Variants in DENND5B observed in about 807,000 individuals in gnomAD.
The protein encoded by DENND5B is DENN domain containing 5B, also known as DENN domain-containing protein 5B.
In DENND5B, 34 loss-of-function variants were observed where a neutral mutation model predicts 140.6. That is an observed-to-expected ratio of 0.24 (90% confidence interval 0.18 to 0.32). The LOEUF (loss-of-function observed/expected upper bound fraction) is 0.32. Ranked by LOEUF, DENND5B falls within the 10% of genes least tolerant of loss-of-function variation. The pLI, the probability that DENND5B is intolerant of heterozygous loss-of-function variation, is 1.00. For missense variants in DENND5B, 1,142 were observed against 1,560.2 expected (o/e 0.73, Z 4.52); for synonymous variants, 551 against 562.1 (o/e 0.98, Z 0.28).
intron 14 of DENND5B, among the ~76,000 whole-genome samples, chr12:31,406,668 T>C (rs1942139086): frequency 6.6e-6 from 1 of 152,188 alleles, no homozygotes; most frequent in South Asian, 2.1e-4. Context: ...AGTGATTTCA[T>C]AGTTTAAGTA....
intron 1 of DENND5B, among the ~76,000 whole-genome samples, chr12:31,526,452 T>C (rs181134468): frequency 1.3e-5 from 2 of 152,338 alleles, no homozygotes; most frequent in Non-Finnish European, 1.5e-5. Context: ...CAATGCCCTG[T>C]AGCTATATAT....
intron 1 of DENND5B, among the ~76,000 whole-genome samples, chr12:31,559,277 G>C (rs193277760): frequency 2.6e-5 from 4 of 152,054 alleles, no homozygotes; most frequent in Non-Finnish European, 4.4e-5. Context: ...TCAAAGACAA[G>C]CTTACAAAAC....
At chr12:31,434,741 T>C (rs565314175) in intron 7 of DENND5B, among the ~76,000 whole-genome samples, 1 of 152,306 alleles carries the variant, frequency 6.6e-6, no homozygotes, top group East Asian at 1.9e-4. Context: ...AAAGACTATA[T>C]AGATAACTTT....
chr12:31,520,891 CAAT>C (rs1947850984), intron 1 of DENND5B, among the ~76,000 whole-genome samples: 2 of 152,002 alleles, frequency 1.3e-5, no homozygotes, highest in Non-Finnish European at 2.9e-5. Context: ...TTCATCATGA[CAAT>C]AAATTTTACT....
chr12:31,546,168 C>CTA (rs916452712), intron 1 of DENND5B, among the ~76,000 whole-genome samples: 4 of 151,742 alleles, frequency 2.6e-5, no homozygotes, highest in African/African-American at 9.7e-5. Flanking sequence ...TATATATATG[C>CTA]TATATATATG....
chr12:31,497,111 A>C (rs1280213609), intron 1 of DENND5B, among the ~76,000 whole-genome samples: 1 of 152,166 alleles, frequency 6.6e-6, no homozygotes, highest in East Asian at 1.9e-4. Context: ...ATATGAAAAA[A>C]AAAAACCACC....
At chr12:31,556,872 C>T (rs1000313062) in intron 1 of DENND5B, among the ~76,000 whole-genome samples, 9 of 152,070 alleles carry the variant, frequency 5.9e-5, no homozygotes, top group Non-Finnish European at 1.0e-4. Flanking sequence ...CCTCTTGACC[C>T]AGCAGTTTCC....
chr12:31,455,283 A>G (rs1009936760), intron 4 of DENND5B, among the ~76,000 whole-genome samples: 3 of 152,042 alleles, frequency 2.0e-5, no homozygotes, highest in African/African-American at 2.4e-5. Context: ...AAAATGATAC[A>G]TTTTCTGAAA....
At chr12:31,515,626 G>C (rs967176414) in intron 1 of DENND5B, among the ~76,000 whole-genome samples, 5 of 152,104 alleles carry the variant, frequency 3.3e-5, no homozygotes, top group Non-Finnish European at 7.4e-5. Flanking sequence ...CATTTTGTAT[G>C]AAGGAATGAA....
At chr12:31,520,052 T>A (rs1947820949) in intron 1 of DENND5B, among the ~76,000 whole-genome samples, 1 of 152,220 alleles carries the variant, frequency 6.6e-6, no homozygotes, top group Non-Finnish European at 1.5e-5. Context: ...AATTTTATAG[T>A]GTTTAGGCAA....
intron 1 of DENND5B, among the ~76,000 whole-genome samples, chr12:31,505,093 C>T (rs1000212860): frequency 5.3e-5 from 8 of 152,140 alleles, no homozygotes; most frequent in Non-Finnish European, 1.2e-4. Context: ...GTTTACTAGC[C>T]TGAGTTTTTA....
At chr12:31,529,136 C>T (rs1948191980) in intron 1 of DENND5B, among the ~76,000 whole-genome samples, 1 of 142,134 alleles carries the variant, frequency 7.0e-6, no homozygotes, top group South Asian at 2.2e-4. Context: ...AAACTCCAGC[C>T]TGCGCAACAG....
intron 13 of DENND5B, among the ~76,000 whole-genome samples, chr12:31,411,445 A>C (rs994244523): frequency 6.7e-6 from 1 of 149,214 alleles, no homozygotes; most frequent in African/African-American, 2.5e-5. Context: ...CCTGGGTTCA[A>C]GTGATTCTCC....
chr12:31,389,240 A>G lies in DENND5B; in HGVS notation c.3641+84T>C, dbSNP rs139596083. ...AAAGAAACCCAAAGGAGAGCTCTGG[A>G]AGGGGTATGATCTGGTATAACCTTT... On this transcript the variant is annotated intron_variant, in intron 20 of 20. Transcript: ENST00000389082. The G allele has an allele frequency of 4.0e-6, 5 of 1,255,984 alleles. No homozygotes were observed. The African/African-American group carries it at 7.6e-5, about 19-fold the overall frequency. 77.8% of individuals were successfully genotyped at this position (1,255,984 alleles called of 1,614,324 possible). A position where few individuals can be genotyped will look rare whatever the true frequency, so the allele number is the denominator to read the frequency against.
intron 9 of DENND5B, 45 bp from the exon 10 acceptor site, chr12:31,424,732 CA>C: frequency 3.8e-6 from 6 of 1,586,368 alleles, no homozygotes; most frequent in East Asian, 2.3e-5. Flanking sequence ...GCAGTGAAAC[CA>C]AAAACCAACA....
intron 1 of DENND5B, among the ~76,000 whole-genome samples, chr12:31,532,212 G>A (rs562958110): frequency 2.6e-5 from 4 of 152,310 alleles, no homozygotes; most frequent in Admixed American, 2.0e-4. Flanking sequence ...TTCCCTGAGT[G>A]ACAGATGCCT....
intron 1 of DENND5B, among the ~76,000 whole-genome samples, chr12:31,523,514 A>C (rs1947978497): frequency 6.6e-6 from 1 of 152,158 alleles, no homozygotes; most frequent in Non-Finnish European, 1.5e-5. Flanking sequence ...TTTCACCAAA[A>C]CAAAACAAAA....
At chr12:31,442,986 C>T in intron 6 of DENND5B, 61 bp from the exon 7 acceptor site, 1 of 1,456,118 alleles carries the variant, frequency 6.9e-7, no homozygotes, top group East Asian at 2.5e-5. Context: ...AAAAATAATG[C>T]TTCCTCCACT....
At chr12:31,509,548 T>C (rs1205347504) in intron 1 of DENND5B, among the ~76,000 whole-genome samples, 1 of 152,160 alleles carries the variant, frequency 6.6e-6, no homozygotes, top group Non-Finnish European at 1.5e-5. Context: ...TCAAAATAAA[T>C]ACATAAAAAT....
Sources: allele counts gnomAD v4.1 joint callset (sites outside exome capture counted in the v4.1 genomes callset), GRCh38; gene constraint gnomAD v4.1.1; transcripts MANE v1.5; gene names NCBI Gene and HGNC (gene_info 2026-07-23, HGNC 2026-07-21).